SNTG1: variants seen among roughly 807,000 people sequenced by gnomAD.
SNTG1 encodes the protein syntrophin gamma 1.
In SNTG1, 39 loss-of-function variants were observed where a neutral mutation model predicts 74.7. The ratio of observed to expected loss-of-function variants is 0.52; its 90% CI spans 0.40 to 0.68. The LOEUF (loss-of-function observed/expected upper bound fraction) is 0.68. Ranked by LOEUF, SNTG1 falls within the 30% of genes least tolerant of loss-of-function variation. The probability of loss-of-function intolerance (pLI) is 0.00; values close to 1 mark genes in which losing one functional copy is unlikely to be tolerated. For missense variants in SNTG1, 685 were observed against 609.5 expected, an observed-to-expected ratio of 1.12 and a Z score of -1.30; for synonymous variants, 254 against 217.1, an observed-to-expected ratio of 1.17 and a Z score of -1.49.
intron 1 of SNTG1, among the ~76,000 whole-genome samples, chr8:50,103,660 C>A (rs1408202815): frequency 1.3e-5 from 2 of 152,158 alleles, no homozygotes; most frequent in African/African-American, 4.8e-5. Flanking sequence ...GGAATGCTTC[C>A]AGTTTTTCCC....
intron 2 of SNTG1, among the ~76,000 whole-genome samples, chr8:50,298,834 C>T (rs1289492213): frequency 6.6e-6 from 1 of 152,094 alleles, no homozygotes; most frequent in Non-Finnish European, 1.5e-5. Context: ...AGCATGAGCT[C>T]TGAGAAATAC....
intron 15 of SNTG1, among the ~76,000 whole-genome samples, chr8:50,659,073 A>G (rs2095202517): frequency 6.6e-6 from 1 of 152,190 alleles, no homozygotes; most frequent in Admixed American, 6.6e-5. Flanking sequence ...GAATTAGAAA[A>G]TATAGAAAAT....
At chr8:50,570,031 A>T (rs182085056) in intron 12 of SNTG1, among the ~76,000 whole-genome samples, 97 of 152,232 alleles carry the variant, frequency 6.4e-4, no homozygotes, top group African/African-American at 2.2e-3. Flanking sequence ...ATGTCAGGAA[A>T]GTAAAATATT....
At chr8:50,349,733 C>G (rs2091590523) in intron 2 of SNTG1, among the ~76,000 whole-genome samples, 1 of 152,146 alleles carries the variant, frequency 6.6e-6, no homozygotes, top group South Asian at 2.1e-4. Context: ...TTCCCTTGTC[C>G]CCTTGAGAAG....
chr8:49,938,763 AT>A (rs1315163911), intron 1 of SNTG1, among the ~76,000 whole-genome samples: 2 of 150,220 alleles, frequency 1.3e-5, no homozygotes, highest in Non-Finnish European at 2.9e-5. Context: ...GAAAATATAA[AT>A]TTAAACTAGA....
chr8:50,004,286 T>G (rs1815011712), intron 1 of SNTG1, among the ~76,000 whole-genome samples: 1 of 152,176 alleles, frequency 6.6e-6, no homozygotes, highest in East Asian at 1.9e-4. Context: ...TCACTTCACA[T>G]AAATTGAGGA....
intron 1 of SNTG1, among the ~76,000 whole-genome samples, chr8:50,045,268 G>A (rs1818982856): frequency 1.3e-5 from 2 of 152,184 alleles, no homozygotes; most frequent in South Asian, 4.1e-4. Flanking sequence ...TCTGCAGGTT[G>A]TACAAGCATG....
Position 50,623,478 on chromosome 8 carries a change from G to A in SNTG1, c.849+32561G>A, listed in dbSNP as rs1011081863. Among the ~76,000 whole-genome samples the A allele has an allele frequency of 3.3e-5, 5 of 152,090 alleles. No homozygotes were observed. In the East Asian group the frequency reaches 5.8e-4, roughly 18 times the overall value. ...TATAAAAACATCTGAGTATCTTGTA[G>A]CAATGAAGTTCTAGAATAGGAAGAA... On this transcript the variant is annotated intron_variant, in intron 13 of 18. Transcript: ENST00000642720.
chr8:50,737,339 C>A (rs1001084531), intron 17 of SNTG1, among the ~76,000 whole-genome samples: 2 of 152,052 alleles, frequency 1.3e-5, no homozygotes, highest in Non-Finnish European at 2.9e-5. Flanking sequence ...GACACATACA[C>A]CCTCCTAAGA....
chr8:50,163,506 C>G (rs1466157714), intron 1 of SNTG1: 9 of 130,988 alleles, frequency 6.9e-5, no homozygotes, highest in Non-Finnish European at 1.2e-4. Context: ...TAGACGGAGT[C>G]TTGCTCTGGC....
chr8:50,387,247 C>T (rs998099885), intron 2 of SNTG1, among the ~76,000 whole-genome samples: 25 of 152,082 alleles, frequency 1.6e-4, no homozygotes, highest in African/African-American at 4.8e-4. Flanking sequence ...AGTTCAGTGG[C>T]AATAGTTCCT....
chr8:50,777,537 G>T (rs1019244916), intron 18 of SNTG1, among the ~76,000 whole-genome samples: 4 of 151,112 alleles, frequency 2.6e-5, no homozygotes, highest in Admixed American at 2.0e-4. Flanking sequence ...TTTGTTCTAA[G>T]CATGGTGATA....
At chr8:50,387,080 T>A (rs370739298) in intron 2 of SNTG1, among the ~76,000 whole-genome samples, 1 of 152,176 alleles carries the variant, frequency 6.6e-6, no homozygotes, top group Non-Finnish European at 1.5e-5. Context: ...TAGGGACACA[T>A]GATCAACTTG....
At chr8:50,172,835 C>G (rs947444454) in intron 2 of SNTG1, among the ~76,000 whole-genome samples, 200 bp downstream of exon 2, 1 of 150,872 alleles carries the variant, frequency 6.6e-6, no homozygotes, top group Non-Finnish European at 1.5e-5. Flanking sequence ...GAACGTATCT[C>G]CATGTTTAGT....
intron 1 of SNTG1, among the ~76,000 whole-genome samples, chr8:49,991,001 G>A (rs187183288): frequency 2.0e-5 from 3 of 152,044 alleles, no homozygotes; most frequent in African/African-American, 7.2e-5. Flanking sequence ...AGAATCAAAG[G>A]GCAGCCTAGA....
chr8:50,352,611 G>T (rs1237447723), intron 2 of SNTG1, among the ~76,000 whole-genome samples: 1 of 151,908 alleles, frequency 6.6e-6, no homozygotes, highest in Non-Finnish European at 1.5e-5. Flanking sequence ...GGCTGGTCAT[G>T]AACTCCTGAC....
chr8:50,411,721 G>A (rs76639931), intron 4 of SNTG1, among the ~76,000 whole-genome samples: 7,115 of 152,174 alleles, frequency 0.047, 216 homozygotes, highest in Middle Eastern at 0.095. Flanking sequence ...TTGCCAGTCA[G>A]TAGTCACCAC....
rs2093429911 is a variant in SNTG1, at chr8:50,448,873, A to G, written c.220-795A>G. Among the ~76,000 whole-genome samples, 3 of 137,620 alleles carry G rather than the reference A, an allele frequency of 2.2e-5. No homozygotes were observed. The Admixed American group carries it at 2.4e-4, about 11-fold the overall frequency. 90.3% of individuals were successfully genotyped at this position (137,620 alleles called of 152,430 possible). ...CATGGTGAAACCCCGTCTCTACTAA[A>G]AATACAAAAATTAGCTGGGCATGGC... On this transcript the variant is annotated intron_variant, in intron 5 of 18. Coordinates refer to ENST00000642720, the MANE Select transcript of SNTG1 (RefSeq NM_018967.5).
chr8:50,621,517 G>T (rs150730505), intron 13 of SNTG1, among the ~76,000 whole-genome samples: 127 of 152,318 alleles, frequency 8.3e-4, no homozygotes, highest in African/African-American at 2.5e-3. Flanking sequence ...AAAAAGCAAA[G>T]ATATCAATTG....
Sources: allele counts gnomAD v4.1 joint callset (sites outside exome capture counted in the v4.1 genomes callset), GRCh38; gene constraint gnomAD v4.1.1; transcripts MANE v1.5; gene names NCBI Gene and HGNC (gene_info 2026-07-23, HGNC 2026-07-21).